The following GPC5 variants were observed in gnomAD, a reference collection of about 807,000 sequenced individuals.
The protein encoded by GPC5 is glypican-5.
Under a neutral mutation model 53.9 loss-of-function variants are expected in GPC5, and 47 were observed. That is an observed-to-expected ratio of 0.87 (90% CI 0.69 to 1.11). The LOEUF is 1.11. Among genes scored for constraint, GPC5 ranks in the 50% most tolerant of loss-of-function variants. GPC5 has a pLI of 0.00. For synonymous variants in GPC5, 286 were observed against 263.3 expected, an observed-to-expected ratio of 1.09 and a Z score of -0.84; for missense variants, 748 against 713.1, an observed-to-expected ratio of 1.05 and a Z score of -0.56.
chr13:92,306,839 T>C (rs1054064244), intron 7 of GPC5, among the ~76,000 whole-genome samples: 13 of 152,212 alleles, frequency 8.5e-5, no homozygotes, highest in African/African-American at 2.9e-4. Context: ...CACCTTTAGT[T>C]GGCAAATTAC....
intron 7 of GPC5, among the ~76,000 whole-genome samples, chr13:92,865,249 G>C (rs1295179138): frequency 2.0e-5 from 3 of 151,992 alleles, no homozygotes; most frequent in Non-Finnish European, 4.4e-5. Flanking sequence ...TTTTTTAAAT[G>C]AAACACTTTA....
At chr13:92,248,315 C>G (rs2042668036) in intron 7 of GPC5, among the ~76,000 whole-genome samples, 1 of 152,090 alleles carries the variant, frequency 6.6e-6, no homozygotes, top group South Asian at 2.1e-4. Context: ...AGGTTCCTGG[C>G]AATTTGCCCA....
chr13:91,679,559 G>T (rs939636321), intron 2 of GPC5, among the ~76,000 whole-genome samples: 1 of 152,124 alleles, frequency 6.6e-6, no homozygotes, highest in Non-Finnish European at 1.5e-5. Context: ...TGAAGTCATG[G>T]TTTACATTTT....
rs148536350 is a variant in GPC5, at chr13:91,875,137, G to A, written c.1281-32800G>A. 1.6e-3 allele frequency among the ~76,000 whole-genome samples: 251 copies of A among 152,258 alleles called. 1 individual carries two copies. The highest frequency in any genetic ancestry group is 5.8e-3 in the African/African-American group (243 of 41,556). On this transcript the variant is annotated intron_variant, in intron 5 of 7. Transcript: ENST00000377067. ...GAAATGTCAGACTTGTGTCTCTAAG[G>A]TTTGGTCTCCTGAGTAATGGCTTGT... is the stretch of plus-strand genomic sequence containing the variant.
intron 6 of GPC5, among the ~76,000 whole-genome samples, chr13:92,118,325 T>A (rs1273349799): frequency 6.6e-6 from 1 of 152,228 alleles, no homozygotes; most frequent in Non-Finnish European, 1.5e-5. Context: ...AAGTATTTTT[T>A]AAAATATTGC....
intron 4 of GPC5, 111 bp downstream of exon 4, chr13:91,728,776 A>C (rs1218003223): frequency 1.1e-5 from 12 of 1,078,988 alleles, no homozygotes; most frequent in Non-Finnish European, 1.5e-5. Context: ...GGACAAAAAA[A>C]AAAAGGATCA....
chr13:92,235,248 T>A (rs1324948194), intron 7 of GPC5, among the ~76,000 whole-genome samples: 2 of 152,292 alleles, frequency 1.3e-5, no homozygotes, highest in Admixed American at 1.3e-4. Context: ...TAAAATAAAT[T>A]GAGAAGATTC....
chr13:92,066,928 A>G (rs1251978727), intron 6 of GPC5, among the ~76,000 whole-genome samples: 5 of 152,058 alleles, frequency 3.3e-5, no homozygotes, highest in Non-Finnish European at 4.4e-5. Flanking sequence ...TAGGCTTCCA[A>G]ATATCTTTTG....
At chr13:92,647,215 A>T (rs1885802517) in intron 7 of GPC5, among the ~76,000 whole-genome samples, 1 of 152,126 alleles carries the variant, frequency 6.6e-6, no homozygotes, top group Non-Finnish European at 1.5e-5. Flanking sequence ...GATATTCCTC[A>T]GTCTTTCACA....
intron 3 of GPC5, among the ~76,000 whole-genome samples, chr13:91,718,604 TTA>T (rs929272956): frequency 6.6e-6 from 1 of 151,418 alleles, no homozygotes; most frequent in African/African-American, 2.5e-5. Flanking sequence ...AGGAAAATTA[TTA>T]TATTTTCTTG....
intron 6 of GPC5, among the ~76,000 whole-genome samples, chr13:92,061,216 C>T (rs1246435423): frequency 4.6e-5 from 7 of 151,950 alleles, no homozygotes; most frequent in Non-Finnish European, 1.0e-4. Flanking sequence ...GATGATATAA[C>T]GTATCTATAG....
intron 7 of GPC5, among the ~76,000 whole-genome samples, chr13:92,327,857 A>G (rs1478372194): frequency 6.6e-6 from 1 of 152,102 alleles, no homozygotes; most frequent in East Asian, 1.9e-4. Context: ...CAGCCTTCTC[A>G]TTCTTCCAGG....
In GPC5 at chr13:91,437,592, T is replaced by A. The variant is rs565444475; in HGVS notation, c.164-11169T>A. On this transcript the variant is annotated intron_variant, in intron 1 of 7. Coordinates refer to ENST00000377067, the MANE Select transcript of GPC5 (RefSeq NM_004466.6). Reference sequence around the variant, plus strand: ...GATGGGCTTCCCTTTGCAGGTAACATTTTTTCCTTCATTTCAACTTTGGTG... The same window carrying A: ...GATGGGCTTCCCTTTGCAGGTAACAATTTTTCCTTCATTTCAACTTTGGTG... Among the ~76,000 whole-genome samples, 201 of 152,076 alleles carry A rather than the reference T, an allele frequency of 1.3e-3. 1 individual carries two copies. The highest frequency in any genetic ancestry group is 4.4e-3 in the African/African-American group (184 of 41,540).
intron 7 of GPC5, among the ~76,000 whole-genome samples, chr13:92,294,548 TC>T (rs1388623751): frequency 2.6e-5 from 4 of 152,136 alleles, no homozygotes; most frequent in Non-Finnish European, 5.9e-5. Context: ...TTGTAATATC[TC>T]CCATTTCATT....
chr13:91,750,674 C>CTTTTTTTTTTTTT (rs752907631), intron 4 of GPC5, among the ~76,000 whole-genome samples: 4 of 82,026 alleles, frequency 4.9e-5, no homozygotes, highest in Admixed American at 1.6e-4. Flanking sequence ...TAGGTAAGTC[C>CTTTTTTTTTTTTT]TTTTTTTTTT....
intron 7 of GPC5, among the ~76,000 whole-genome samples, chr13:92,373,092 G>T (rs1349835742): frequency 1.3e-5 from 2 of 152,020 alleles, no homozygotes; most frequent in Admixed American, 6.6e-5. Flanking sequence ...ATATTATTTT[G>T]TTCCCATTTC....
intron 7 of GPC5, among the ~76,000 whole-genome samples, chr13:92,456,664 T>A (rs1321856424): frequency 6.6e-6 from 1 of 152,176 alleles, no homozygotes; most frequent in Non-Finnish European, 1.5e-5. Context: ...TGCTCATCCA[T>A]GAAGCCAGCA....
intron 5 of GPC5, among the ~76,000 whole-genome samples, chr13:91,900,661 G>A (rs553924495): frequency 2.4e-4 from 37 of 152,008 alleles, no homozygotes; most frequent in African/African-American, 8.4e-4. Flanking sequence ...TATAAAAAAC[G>A]TATTTATCCT....
chr13:91,718,452 T>C (rs118043067), intron 3 of GPC5, among the ~76,000 whole-genome samples: 5,773 of 151,980 alleles, frequency 0.038, 176 homozygotes, highest in Middle Eastern at 0.086. Flanking sequence ...GGCTTTTTTT[T>C]CCCTTCTCTG....
Sources: gnomAD v4.1 joint callset for allele counts (sites outside exome capture counted in the v4.1 genomes callset) on GRCh38, gnomAD v4.1.1 for gene constraint, MANE v1.5 for transcripts, NCBI Gene and HGNC (gene_info 2026-07-23, HGNC 2026-07-21) for gene names.